NADSYN1: variants seen among roughly 807,000 people sequenced by gnomAD.
NADSYN1 encodes NAD synthetase 1.
Under a neutral mutation model 99.3 loss-of-function variants are expected in NADSYN1, and 80 were observed. The observed-to-expected ratio is 0.81, with a 90% CI of 0.67 to 0.97. The LOEUF is 0.97. Among genes scored for constraint, NADSYN1 ranks in the 50% least tolerant of loss-of-function variants. NADSYN1 has a pLI of 0.00. For synonymous variants in NADSYN1, 385 were observed against 372.1 expected (o/e 1.03, Z -0.40); for missense variants, 859 against 948.5 (o/e 0.91, Z 1.24).
intron 18 of NADSYN1, chr11:71,496,978 T>G (rs940523164): frequency 3.8e-4 from 61 of 159,896 alleles, no homozygotes; most frequent in Non-Finnish European, 9.6e-5. Context: ...CAGGTTCAGG[T>G]GATCCTCCCA....
chr11:71,488,918 G>A (rs1591134542), intron 16 of NADSYN1, among the ~76,000 whole-genome samples: 1 of 152,172 alleles, frequency 6.6e-6, no homozygotes, highest in Non-Finnish European at 1.5e-5. Flanking sequence ...TGCTGGTGCA[G>A]GACAGTGGGG....
Position 71,491,921 on chromosome 11 carries a change from G to C in NADSYN1, c.1764+18G>C, listed in dbSNP as rs1293091371. The C allele has an allele frequency of 3.1e-6, 5 of 1,611,174 alleles. No individual in the cohort carries two copies. The African/African-American group carries it at 6.7e-5, about 22-fold the overall frequency. ...CCGACGAGGTAATGGCGGTGGCTTTGCCATGATGCTTCCTGCCCTCCTCCC... is the reference window on the plus strand; with the variant it reads ...CCGACGAGGTAATGGCGGTGGCTTTCCCATGATGCTTCCTGCCCTCCTCCC... On this transcript the variant is annotated intron_variant, in intron 18 of 20. Coordinates refer to ENST00000319023, the MANE Select transcript of NADSYN1 (RefSeq NM_018161.5).
At chr11:71,484,815 G>T (rs1949731632) in intron 15 of NADSYN1, 1 of 252,904 alleles carries the variant, frequency 4.0e-6, no homozygotes, top group African/African-American at 2.2e-5. Flanking sequence ...ATGAGTGTAT[G>T]AGAGTACAAG....
chr11:71,495,914 G>T (rs928672976), intron 18 of NADSYN1, among the ~76,000 whole-genome samples: 2 of 152,210 alleles, frequency 1.3e-5, no homozygotes, highest in African/African-American at 2.4e-5. Context: ...AAGGGCCTGG[G>T]TTGTATGAGC....
In NADSYN1 at chr11:71,458,433, A is replaced by G. The variant is rs1407130357; in HGVS notation, c.152A>G (p.Tyr51Cys). The change falls in exon 3 of 21, where the codon TAC becomes TGC. Residue 51 changes from tyrosine (Y) to cysteine (C), a missense_variant. By Grantham distance (194) the Tyr-to-Cys change is radical. Coordinates refer to ENST00000319023, the MANE Select transcript of NADSYN1 (RefSeq NM_018161.5). ...CCTTCTCACTGTCTCTGCAGCGGCT[A>G]CGGATGTTGGGATCATTATTACGAG... ...RLGPELEICG[Y>C]GCWDHYYESD... 1 of 1,613,186 alleles carries G rather than the reference A, an allele frequency of 6.2e-7. No individual in the cohort carries two copies. Among genetic ancestry groups the G allele is most frequent in the Non-Finnish European group, 8.5e-7 (1 of 1,179,158 alleles).
chr11:71,466,090 C>T (rs1205273244), intron 5 of NADSYN1, among the ~76,000 whole-genome samples: 2 of 152,174 alleles, frequency 1.3e-5, no homozygotes, highest in East Asian at 1.9e-4. Flanking sequence ...CATGTTTCTG[C>T]ATTTGATTTG....
At position 71,475,788 on chromosome 11, in the gene NADSYN1, C is replaced by T. The variant is rs543691302; in HGVS notation, c.798+1262C>T. Reference sequence around the variant, plus strand: ...GGAGTGCAGTGGCGCAATCTTGGCTCGCTGCAACCTCCGCCCCATGTTAAA... The same window carrying T: ...GGAGTGCAGTGGCGCAATCTTGGCTTGCTGCAACCTCCGCCCCATGTTAAA... On this transcript the variant is annotated intron_variant, in intron 9 of 20. Coordinates refer to ENST00000319023, the MANE Select transcript of NADSYN1 (RefSeq NM_018161.5). Among the ~76,000 whole-genome samples, 5 of 152,268 alleles carry T rather than the reference C, an allele frequency of 3.3e-5. No individual in the cohort carries two copies. The South Asian group carries it at 6.2e-4, about 19-fold the overall frequency.
At chr11:71,463,568 T>C in intron 4 of NADSYN1, 83 bp downstream of exon 4, 1 of 1,357,694 alleles carries the variant, frequency 7.4e-7, no homozygotes, top group South Asian at 1.2e-5. Flanking sequence ...CCCGTGCTGG[T>C]GCCCTGGGGA....
chr11:71,481,522 T>C, intron 12 of NADSYN1, 118 bp downstream of exon 12: 1 of 1,012,242 alleles, frequency 9.9e-7, no homozygotes, highest in Non-Finnish European at 1.5e-6. Context: ...CAAAAAGCAT[T>C]TCATCACTCT....
rs752010228 is a variant in NADSYN1 at position 71,453,374 on chromosome 11, T to C, written c.78T>C (p.Ile26=). Residue 26 remains isoleucine, a synonymous_variant, in exon 1 of 21, where the codon ATT becomes ATC. Transcript: ENST00000319023. Reference sequence around the variant, plus strand: ...ACTTCGAGGGCAATTTGCAAAGAATTTTAAAGAGTGAGTCTGGGGCGGCGG... The same window carrying C: ...ACTTCGAGGGCAATTTGCAAAGAATCTTAAAGAGTGAGTCTGGGGCGGCGG... ...ALDFEGNLQR[I]LKSIEIAKNR... is the part of the protein sequence containing the mutation. The C allele has an allele frequency of 1.9e-6, 3 of 1,613,456 alleles. No individual in the cohort carries two copies. The African/African-American group carries it at 4.0e-5, about 22-fold the overall frequency.
In NADSYN1 at chr11:71,501,679, G is replaced by A. The variant is rs551338602; in HGVS notation, c.*327G>A. 94 of 363,704 alleles carry A rather than the reference G, an allele frequency of 2.6e-4. 2 individuals carry two copies. The South Asian group carries it at 4.0e-3, about 16-fold the overall frequency. The allele number at this position is 363,704 out of a possible 1,614,324, so 22.5% of individuals were successfully genotyped here. A position where few individuals can be genotyped will look rare whatever the true frequency, so the allele number is the denominator to read the frequency against. ...TGTGGCATCTTTGCTGCAGGAACAA[G>A]AACAGTAGCTCCCGGGAAGGGAGGG... On this transcript the variant is annotated 3_prime_UTR_variant, in exon 21 of 21. Transcript: ENST00000319023.
At chr11:71,484,750 C>T (rs760181006) in intron 15 of NADSYN1, 19 of 356,190 alleles carry the variant, frequency 5.3e-5, no homozygotes, top group Admixed American at 5.1e-4. Flanking sequence ...AGCCTGAGTG[C>T]AAGAGCAAGA....
chr11:71,491,095 T>A (rs917835661), intron 17 of NADSYN1, 119 bp downstream of exon 17: 9 of 1,385,868 alleles, frequency 6.5e-6, no homozygotes, highest in Non-Finnish European at 8.8e-6. Context: ...TGAATGGTCC[T>A]GCCCCTGAGC....
Position 71,455,145 on chromosome 11 carries a change from A to G in NADSYN1, c.121A>G (p.Arg41Gly), listed in dbSNP as rs1949504638. ...EIAKNRGARYRLGPELEICGY... is the reference protein window; with the variant it reads ...EIAKNRGARYGLGPELEICGY... ...TGCCAAAAACAGAGGAGCAAGATAC[A>G]GGCTTGGACCAGAGCTGGAAATATG... Residue 41 changes from arginine to glycine, a missense_variant, in exon 2 of 21, where the codon AGG becomes GGG. Physicochemically the swap from Arg to Gly is moderately radical, Grantham distance 125. Transcript: ENST00000319023. 6.2e-7 allele frequency: 1 copy of G among 1,613,908 alleles called. No homozygotes were observed. Among genetic ancestry groups the G allele is most frequent in the Non-Finnish European group, 8.5e-7 (1 of 1,179,966 alleles).
At chr11:71,463,365 G>C in intron 3 of NADSYN1, 67 bp from the exon 4 acceptor site, 2 of 1,395,018 alleles carry the variant, frequency 1.4e-6, no homozygotes, top group Non-Finnish European at 2.0e-6. Flanking sequence ...AGCTGCAGCC[G>C]CTGCCTCCAT....
At chr11:71,465,528 C>T (rs1792226) in intron 5 of NADSYN1, among the ~76,000 whole-genome samples, 42,830 of 152,064 alleles carry the variant, frequency 0.28, 6,538 homozygotes, top group South Asian at 0.46. Flanking sequence ...CATCTTCACC[C>T]GGTTGACATT....
chr11:71,485,171 C>T, intron 15 of NADSYN1: 1 of 183,262 alleles, frequency 5.5e-6, no homozygotes, highest in East Asian at 1.6e-4. Context: ...CTCTCTGTCC[C>T]CTTTCTGCTG....
intron 19 of NADSYN1, 64 bp from the exon 20 acceptor site, chr11:71,498,288 G>C: frequency 6.3e-7 from 1 of 1,578,404 alleles, no homozygotes; most frequent in Non-Finnish European, 8.7e-7. Context: ...TCCAGCATGG[G>C]AATTCCGGCC....
At chr11:71,464,568 T>A (rs1949574520) in intron 5 of NADSYN1, 1 of 154,804 alleles carries the variant, frequency 6.5e-6, no homozygotes, top group African/African-American at 2.4e-5. Flanking sequence ...TACTTGGTCT[T>A]AGAAAGCTGG....
Sources: gnomAD v4.1 joint callset for allele counts (sites outside exome capture counted in the v4.1 genomes callset) on GRCh38, gnomAD v4.1.1 for gene constraint, MANE v1.5 for transcripts, NCBI Gene and HGNC (gene_info 2026-07-23, HGNC 2026-07-21) for gene names.